The following ALDH1A1 variants were observed in gnomAD, a reference collection of about 807,000 sequenced individuals.
ALDH1A1 encodes aldehyde dehydrogenase 1A1.
Under a neutral mutation model 62.1 loss-of-function variants are expected in ALDH1A1, and 19 were observed. That is an observed-to-expected ratio of 0.31 (90% CI 0.21 to 0.45). ALDH1A1 has a LOEUF of 0.45. ALDH1A1 is among the 20% of genes least tolerant of loss of function. ALDH1A1 has a pLI of 1.00. For missense variants in ALDH1A1, 521 were observed against 607.1 expected (o/e 0.86, Z 1.49); for synonymous variants, 231 against 215.9 (o/e 1.07, Z -0.61).
At chr9:72,906,440 C>A (rs1013374069) in intron 11 of ALDH1A1, among the ~76,000 whole-genome samples, 8 of 152,070 alleles carry the variant, frequency 5.3e-5, no homozygotes, top group Non-Finnish European at 1.0e-4. Context: ...ACTTAACAGG[C>A]TAGAATCAAT....
At chr9:72,915,645 C>A (rs1349827490) in intron 9 of ALDH1A1, among the ~76,000 whole-genome samples, 1 of 152,130 alleles carries the variant, frequency 6.6e-6, no homozygotes, top group Non-Finnish European at 1.5e-5. Flanking sequence ...TCACTTGCCG[C>A]TTATTTTAGG....
chr9:72,913,200 G>A (rs1458994077), intron 9 of ALDH1A1, among the ~76,000 whole-genome samples: 1 of 152,088 alleles, frequency 6.6e-6, no homozygotes, highest in East Asian at 1.9e-4. Flanking sequence ...ACTGAATACA[G>A]CTCAGCCCCC....
At chr9:72,918,018 A>T (rs563138349) in intron 8 of ALDH1A1, among the ~76,000 whole-genome samples, 1 of 152,364 alleles carries the variant, frequency 6.6e-6, no homozygotes, top group African/African-American at 2.4e-5. Context: ...ACAGCAACAT[A>T]GGCTAATTCC....
At position 72,925,508 on chromosome 9, in the gene ALDH1A1, G is replaced by T. The variant is rs1452598409; in HGVS notation, c.609C>A (p.Leu203=). 6.2e-7 allele frequency: 1 copy of T among 1,613,842 alleles called. No homozygotes were observed. Among genetic ancestry groups the T allele is most frequent in the East Asian group, 2.2e-5 (1 of 44,890 alleles). Reference sequence around the variant, plus strand: ...CCTCTTTTATTAAAGATGCCACGTGGAGAGCAGTGAGAGGAGTTTGCTCTG... The same window carrying T: ...CCTCTTTTATTAAAGATGCCACGTGTAGAGCAGTGAGAGGAGTTTGCTCTG... The part of the protein sequence containing the change: ...KPAEQTPLTA[L]HVASLIKEAG... Residue 203 remains leucine (L), a synonymous_variant, in exon 6 of 13, where the codon CTC becomes CTA. Transcript: ENST00000297785.
intron 10 of ALDH1A1, among the ~76,000 whole-genome samples, chr9:72,910,802 G>A (rs1829973318): frequency 5.3e-5 from 8 of 152,262 alleles, no homozygotes; most frequent in Admixed American, 4.6e-4. Context: ...AATAGAGGTT[G>A]AGTGTGAATC....
At chr9:72,943,248 T>G (rs189495797) in intron 1 of ALDH1A1, among the ~76,000 whole-genome samples, 1 of 152,280 alleles carries the variant, frequency 6.6e-6, no homozygotes, top group East Asian at 1.9e-4. Flanking sequence ...GGTCGGACTT[T>G]CTAGTTCTCG....
At chr9:72,911,723 T>C (rs1385702000) in intron 10 of ALDH1A1, among the ~76,000 whole-genome samples, 1 of 152,210 alleles carries the variant, frequency 6.6e-6, no homozygotes, top group Non-Finnish European at 1.5e-5. Flanking sequence ...CACCTGAAAA[T>C]TGTTAAGCAT....
chr9:72,922,491 G>A (rs775305374), intron 7 of ALDH1A1, among the ~76,000 whole-genome samples: 7 of 152,142 alleles, frequency 4.6e-5, no homozygotes, highest in Non-Finnish European at 8.8e-5. Flanking sequence ...GAAGGAGTAG[G>A]CATAGGATCT....
intron 2 of ALDH1A1, among the ~76,000 whole-genome samples, chr9:72,935,290 T>A (rs1830334559): frequency 1.3e-5 from 2 of 152,194 alleles, no homozygotes; most frequent in South Asian, 4.1e-4. Context: ...TTTGGTACAT[T>A]AACTCAGATT....
At chr9:72,902,743 A>G (rs1026692616) in intron 12 of ALDH1A1, among the ~76,000 whole-genome samples, 1 of 151,920 alleles carries the variant, frequency 6.6e-6, no homozygotes, top group Non-Finnish European at 1.5e-5. Flanking sequence ...TGCCTATACT[A>G]TATCTACGAC....
At chr9:72,926,816 T>C (rs1190223628) in intron 5 of ALDH1A1, among the ~76,000 whole-genome samples, 1 of 152,244 alleles carries the variant, frequency 6.6e-6, no homozygotes, top group African/African-American at 2.4e-5. Context: ...GCTTGGCTCT[T>C]ATAAAGAGTA....
At chr9:72,912,755 T>C (rs1830008112) in intron 9 of ALDH1A1, among the ~76,000 whole-genome samples, 2 of 152,238 alleles carry the variant, frequency 1.3e-5, no homozygotes, top group African/African-American at 4.8e-5. Context: ...TCCTGCTTCA[T>C]TAAATGAGCC....
intron 1 of ALDH1A1, among the ~76,000 whole-genome samples, chr9:72,952,109 C>T (rs911538330): frequency 6.6e-6 from 1 of 151,966 alleles, no homozygotes; most frequent in Non-Finnish European, 1.5e-5. Flanking sequence ...TCTTACCATA[C>T]TTTCTGCATC....
At chr9:72,901,622 A>G (rs1829804708) in intron 12 of ALDH1A1, among the ~76,000 whole-genome samples, 4 of 152,108 alleles carry the variant, frequency 2.6e-5, no homozygotes, top group Admixed American at 2.6e-4. Flanking sequence ...AATGAAAACA[A>G]AAAGCTCTAA....
chr9:72,945,870 A>G (rs1192308864), intron 1 of ALDH1A1, among the ~76,000 whole-genome samples: 1 of 152,012 alleles, frequency 6.6e-6, no homozygotes, highest in East Asian at 1.9e-4. Flanking sequence ...AAATGAATGA[A>G]AACAAAATGA....
intron 1 of ALDH1A1, chr9:72,942,456 G>T (rs80105873): frequency 0.037 from 30,203 of 826,856 alleles, 659 homozygotes; most frequent in Non-Finnish European, 0.041. Flanking sequence ...GTATCACTTT[G>T]TTCTATACAA....
intron 10 of ALDH1A1, among the ~76,000 whole-genome samples, chr9:72,910,200 T>C (rs563140335): frequency 9.9e-5 from 15 of 152,282 alleles, no homozygotes; most frequent in African/African-American, 3.4e-4. Context: ...GCTGGATAAA[T>C]GAATAGGCAA....
At chr9:72,940,659 G>C (rs937700843) in intron 1 of ALDH1A1, among the ~76,000 whole-genome samples, 2 of 152,042 alleles carry the variant, frequency 1.3e-5, no homozygotes, top group African/African-American at 4.8e-5. Context: ...AATCATAAGA[G>C]ACTATTTTCT....
intron 7 of ALDH1A1, among the ~76,000 whole-genome samples, chr9:72,921,463 G>GGTTTT (rs1830141505): frequency 6.6e-6 from 1 of 150,646 alleles, no homozygotes; most frequent in East Asian, 2.0e-4. Flanking sequence ...AAGTAGGATG[G>GGTTTT]GTTTTGTGGC....
Sources: gnomAD v4.1 joint callset for allele counts (sites outside exome capture counted in the v4.1 genomes callset) on GRCh38, gnomAD v4.1.1 for gene constraint, MANE v1.5 for transcripts, NCBI Gene and HGNC (gene_info 2026-07-23, HGNC 2026-07-21) for gene names.